The following EMC7 variants were observed in gnomAD, a reference collection of about 807,000 sequenced individuals.
EMC7 encodes the protein endoplasmic reticulum membrane protein complex subunit 7.
A neutral mutation model predicts 24.4 loss-of-function variants in EMC7; 4 were observed. That is an observed-to-expected ratio of 0.16 (90% CI 0.08 to 0.38). The LOEUF is 0.38. Among genes scored for constraint, EMC7 ranks in the 10% least tolerant of loss-of-function variants. The probability of loss-of-function intolerance (pLI) is 1.00; values close to 1 mark genes in which losing one functional copy is unlikely to be tolerated. For synonymous variants in EMC7, 106 were observed against 112.0 expected, an observed-to-expected ratio of 0.95 and a Z score of 0.34; for missense variants, 221 against 300.6, an observed-to-expected ratio of 0.74 and a Z score of 1.96.
At chr15:34,098,601 T>G (rs2140872382) in intron 1 of EMC7, among the ~76,000 whole-genome samples, 1 of 150,504 alleles carries the variant, frequency 6.6e-6, no homozygotes, top group African/African-American at 2.4e-5. Flanking sequence ...GATTACAGAC[T>G]ACCGCCAGTA....
At chr15:34,084,618 T>C (rs1264508111) in intron 4 of EMC7, 132 bp from the exon 5 acceptor site, 7 of 831,050 alleles carry the variant, frequency 8.4e-6, no homozygotes, top group Non-Finnish European at 1.1e-5. Context: ...TGCAACATCA[T>C]ACTCAGTAGT....
chr15:34,100,229 T>C (rs899434875), intron 1 of EMC7, among the ~76,000 whole-genome samples: 3 of 152,178 alleles, frequency 2.0e-5, no homozygotes, highest in Non-Finnish European at 4.4e-5. Flanking sequence ...TAGTCCTATC[T>C]ACTGAGGAGG....
intron 2 of EMC7, among the ~76,000 whole-genome samples, chr15:34,094,230 C>A (rs1257054474): frequency 1.3e-5 from 1 of 74,490 alleles, no homozygotes; most frequent in South Asian, 6.4e-4. Context: ...CATGGCGAAA[C>A]CCCATCTCTA....
At chr15:34,100,331 A>T (rs920049598) in intron 1 of EMC7, among the ~76,000 whole-genome samples, 3 of 152,228 alleles carry the variant, frequency 2.0e-5, no homozygotes, top group Admixed American at 1.3e-4. Context: ...ACAGAAAAAG[A>T]CCTTGTCTCA....
chr15:34,084,607 A>C, intron 4 of EMC7, 121 bp from the exon 5 acceptor site: 6 of 1,011,940 alleles, frequency 5.9e-6, no homozygotes, highest in Non-Finnish European at 8.7e-6. Flanking sequence ...CTGAGCAATG[A>C]TGCAACATCA....
chr15:34,091,587 G>A (rs1005560403), intron 2 of EMC7, among the ~76,000 whole-genome samples: 2 of 152,166 alleles, frequency 1.3e-5, no homozygotes, highest in African/African-American at 4.8e-5. Flanking sequence ...TCAGTTTTCA[G>A]GGGAGACTTT....
intron 4 of EMC7, among the ~76,000 whole-genome samples, chr15:34,087,294 G>A (rs572621010): frequency 3.3e-5 from 5 of 152,268 alleles, no homozygotes; most frequent in South Asian, 2.1e-4. Flanking sequence ...ATGGTTGAAC[G>A]GAAAAATGCA....
intron 1 of EMC7, among the ~76,000 whole-genome samples, chr15:34,097,030 GTTC>G (rs1379018161): frequency 7.8e-5 from 3 of 38,624 alleles, no homozygotes; most frequent in African/African-American, 2.9e-4. Flanking sequence ...TTGGTTTTCT[GTTC>G]TTCTTCTTTT....
chr15:34,094,825 A>G (rs1033521048), intron 2 of EMC7, among the ~76,000 whole-genome samples: 2 of 152,200 alleles, frequency 1.3e-5, no homozygotes, highest in Non-Finnish European at 2.9e-5. Flanking sequence ...AAATCCACCA[A>G]TGGACTAACA....
intron 3 of EMC7, 79 bp downstream of exon 3, chr15:34,090,238 C>T: frequency 1.4e-6 from 2 of 1,409,268 alleles, no homozygotes; most frequent in Non-Finnish European, 1.9e-6. Context: ...AGCTTTCTAT[C>T]TCACAGAGGT....
intron 1 of EMC7, among the ~76,000 whole-genome samples, chr15:34,099,220 C>G (rs1030572732): frequency 5.3e-5 from 8 of 151,938 alleles, no homozygotes; most frequent in Admixed American, 1.3e-4. Flanking sequence ...ATGAGGTACA[C>G]AAAAGACATG....
chr15:34,095,066 G>A (rs759922302), intron 2 of EMC7, among the ~76,000 whole-genome samples: 5 of 152,116 alleles, frequency 3.3e-5, no homozygotes, highest in Admixed American at 6.5e-5. Context: ...AATATGCTGC[G>A]CAGACACCAA....
chr15:34,085,708 T>C (rs1900869337), intron 4 of EMC7, among the ~76,000 whole-genome samples: 1 of 152,176 alleles, frequency 6.6e-6, no homozygotes, highest in Non-Finnish European at 1.5e-5. Flanking sequence ...GAAAGAAATA[T>C]TGTAAACATA....
chr15:34,084,796 G>A (rs1900850431), intron 4 of EMC7, among the ~76,000 whole-genome samples: 1 of 150,998 alleles, frequency 6.6e-6, no homozygotes, highest in African/African-American at 2.4e-5. Flanking sequence ...TGCACAACGT[G>A]CAGGTTTGTT....
intron 1 of EMC7, among the ~76,000 whole-genome samples, chr15:34,101,388 G>C (rs1046519344): frequency 3.3e-5 from 5 of 152,132 alleles, no homozygotes; most frequent in African/African-American, 4.8e-5. Flanking sequence ...ACCATGGCAG[G>C]GGGTGAGCGC....
intron 1 of EMC7, among the ~76,000 whole-genome samples, chr15:34,096,528 A>G (rs1194180107): frequency 6.6e-6 from 1 of 152,186 alleles, no homozygotes; most frequent in African/African-American, 2.4e-5. Context: ...ACTCCAGGGT[A>G]GCAGAGAAGC....
chr15:34,087,333 C>G (rs1437577211), intron 4 of EMC7, among the ~76,000 whole-genome samples: 1 of 152,100 alleles, frequency 6.6e-6, no homozygotes, highest in Non-Finnish European at 1.5e-5. Context: ...ATGAAGAGTT[C>G]AAATAGAAGC....
intron 2 of EMC7, 48 bp from the exon 3 acceptor site, chr15:34,090,503 T>A: frequency 1.3e-6 from 2 of 1,577,640 alleles, no homozygotes; most frequent in African/African-American, 2.7e-5. Flanking sequence ...TTAAAAACAT[T>A]ACTGGTTAAA....
intron 1 of EMC7, among the ~76,000 whole-genome samples, chr15:34,096,355 G>A (rs1389506043): frequency 2.6e-5 from 4 of 152,040 alleles, no homozygotes; most frequent in African/African-American, 4.8e-5. Flanking sequence ...ATTTTTAGTA[G>A]AGACGGGGTT....
Sources: allele counts gnomAD v4.1 joint callset (sites outside exome capture counted in the v4.1 genomes callset), GRCh38; gene constraint gnomAD v4.1.1; transcripts MANE v1.5; gene names NCBI Gene and HGNC (gene_info 2026-07-23, HGNC 2026-07-21).